The following SLFN12L variants were observed in gnomAD, a reference collection of about 807,000 sequenced individuals.
The protein encoded by SLFN12L is schlafen family member 12-like.
In SLFN12L, 34 loss-of-function variants were observed where a neutral mutation model predicts 34.8. The ratio of observed to expected loss-of-function variants is 0.98; its 90% confidence interval spans 0.74 to 1.30. The LOEUF is 1.30. Among genes scored for constraint, SLFN12L ranks in the 50% most tolerant of loss-of-function variants. SLFN12L has a pLI of 0.00. For missense variants in SLFN12L, 703 were observed against 696.2 expected (o/e 1.01, Z -0.11); for synonymous variants, 259 against 247.5 (o/e 1.05, Z -0.44).
rs1916026832 is a variant in SLFN12L, at chr17:35,522,445, A to G, written c.-81T>C. The G allele has an allele frequency of 1.2e-6, 2 of 1,613,948 alleles. No homozygotes were observed. The highest frequency in any genetic ancestry group is 1.7e-6 in the Non-Finnish European group (2 of 1,179,964). ...TCTCTGTTCTTGTGGAAGCTTCTGGAGAATATCTCATACTGCTGGGCTGTG... is the reference window on the plus strand; with the variant it reads ...TCTCTGTTCTTGTGGAAGCTTCTGGGGAATATCTCATACTGCTGGGCTGTG... On this transcript the variant is annotated 5_prime_UTR_variant, in exon 2 of 5. Coordinates refer to ENST00000628453, the MANE Select transcript of SLFN12L (RefSeq NM_001363830.2).
chr17:35,481,401 T>C (rs1914331872), intron 2 of SLFN12L, among the ~76,000 whole-genome samples: 1 of 152,256 alleles, frequency 6.6e-6, no homozygotes, highest in Non-Finnish European at 1.5e-5. Flanking sequence ...TCCACTTTCA[T>C]GTTCCACCCT....
chr17:35,518,856 C>G (rs1433827944), intron 2 of SLFN12L, among the ~76,000 whole-genome samples: 1 of 152,064 alleles, frequency 6.6e-6, no homozygotes, highest in Admixed American at 6.5e-5. Flanking sequence ...GGGTATATAC[C>G]CAAAGGATTA....
chr17:35,494,312 T>C (rs1914959865), intron 2 of SLFN12L, among the ~76,000 whole-genome samples: 1 of 152,210 alleles, frequency 6.6e-6, no homozygotes, highest in Non-Finnish European at 1.5e-5. Context: ...GCTGTGATCT[T>C]ACCACTTCAA....
At chr17:35,478,992 G>A (rs1299186247) in intron 3 of SLFN12L, 125 bp downstream of exon 3, 2 of 690,588 alleles carry the variant, frequency 2.9e-6, no homozygotes, top group Non-Finnish European at 4.8e-6. Flanking sequence ...GGAAGTATTG[G>A]TTGTATCCAC....
Position 35,522,809 on chromosome 17 carries a change from C to G in SLFN12L, c.-445G>C, listed in dbSNP as rs1311867131. On this transcript the variant is annotated 5_prime_UTR_variant, in exon 2 of 5. Transcript: ENST00000628453. ...GAGCATCACAGATGACTCCTGGCTTCTCCTGCAAATTCAGGTCCACAGCCT... is the reference window on the plus strand; with the variant it reads ...GAGCATCACAGATGACTCCTGGCTTGTCCTGCAAATTCAGGTCCACAGCCT... The G allele has an allele frequency of 6.8e-7, 1 of 1,479,766 alleles. No individual in the cohort carries two copies. The highest frequency in any genetic ancestry group is 1.4e-5 in the African/African-American group (1 of 71,986). 91.7% of individuals were successfully genotyped at this position (1,479,766 alleles called of 1,614,324 possible).
In SLFN12L at chr17:35,471,678, GTTTTAAATATTCTTTTAATAAAA is replaced by G. The variant is rs1913811520; in HGVS notation, c.*3222_*3244del. Among the ~76,000 whole-genome samples the G allele has an allele frequency of 2.3e-4, 5 of 21,960 alleles. No individual in the cohort carries two copies. The Middle Eastern group carries it at 0.17, about 732-fold the overall frequency. 14.4% of individuals were successfully genotyped at this position (21,960 alleles called of 152,430 possible). On this transcript the variant is annotated 3_prime_UTR_variant, in exon 5 of 5. Transcript: ENST00000628453. ...TCTTTTAATAAAAGATTATTTAAAA[GTTTTAAATATTCTTTTAATAAAA>G]GATTATTTAAAAGTTTTAAATAATC...
rs559421668 is a variant in SLFN12L at position 35,466,781 on chromosome 17, C to T, written c.*8142G>A. On this transcript the variant is annotated 3_prime_UTR_variant, in exon 5 of 5. Transcript: ENST00000628453. Reference sequence around the variant, plus strand: ...GAGACTTTAACAAGCTCTACTCATGCCTCCTAAAGTCTAGACCACCTGTGA... The same window carrying T: ...GAGACTTTAACAAGCTCTACTCATGTCTCCTAAAGTCTAGACCACCTGTGA... Among the ~76,000 whole-genome samples, 19 of 152,294 alleles carry T rather than the reference C, an allele frequency of 1.2e-4. No individual in the cohort carries two copies. The East Asian group carries it at 3.7e-3, about 29-fold the overall frequency.
chr17:35,508,496 G>A (rs571161020), intron 2 of SLFN12L, among the ~76,000 whole-genome samples: 22 of 152,234 alleles, frequency 1.4e-4, no homozygotes, highest in African/African-American at 4.8e-4. Context: ...ACAGACACCC[G>A]CCACCATGCT....
chr17:35,490,499 G>A, intron 2 of SLFN12L: 1 of 925,424 alleles, frequency 1.1e-6, no homozygotes, highest in Non-Finnish European at 1.8e-6. Flanking sequence ...GCTCTGAAAG[G>A]CATCCATCTC....
At chr17:35,530,519 A>AAG (rs2072398514) in intron 1 of SLFN12L, among the ~76,000 whole-genome samples, 3 of 35,776 alleles carry the variant, frequency 8.4e-5, no homozygotes, top group Non-Finnish European at 1.9e-4. Context: ...AAAGAAAAGA[A>AAG]AAGAAAAGAA....
intron 2 of SLFN12L, among the ~76,000 whole-genome samples, chr17:35,482,363 T>C (rs1567651100): frequency 6.6e-6 from 1 of 152,202 alleles, no homozygotes; most frequent in Non-Finnish European, 1.5e-5. Flanking sequence ...CAGCCTGCCA[T>C]CACAAAGGCT....
intron 2 of SLFN12L, among the ~76,000 whole-genome samples, chr17:35,482,644 T>G (rs769052930): frequency 6.6e-6 from 1 of 152,200 alleles, no homozygotes; most frequent in Non-Finnish European, 1.5e-5. Flanking sequence ...GGCTCAGAAG[T>G]GCCTGCTCCC....
In SLFN12L at chr17:35,494,238, A is replaced by C. The variant is rs143754776; in HGVS notation, c.87-14043T>G. Among the ~76,000 whole-genome samples the C allele has an allele frequency of 7.9e-4, 118 of 149,122 alleles. 2 individuals are homozygous for C. The highest frequency in any genetic ancestry group is 4.2e-4 in the South Asian group (2 of 4,714). Reference sequence around the variant, plus strand: ...ATATGTAATATAATGTAAAAAAAAAACAACAAAAAAGCTTTTATGATGGAT... The same window carrying C: ...ATATGTAATATAATGTAAAAAAAAACCAACAAAAAAGCTTTTATGATGGAT... On this transcript the variant is annotated intron_variant, in intron 2 of 4. Coordinates refer to ENST00000628453, the MANE Select transcript of SLFN12L (RefSeq NM_001363830.2).
chr17:35,525,800 C>T (rs763231938), intron 1 of SLFN12L, among the ~76,000 whole-genome samples: 2 of 152,068 alleles, frequency 1.3e-5, no homozygotes, highest in African/African-American at 2.4e-5. Flanking sequence ...AAACCATCAA[C>T]TATGGGCAAA....
chr17:35,521,234 G>A (rs1238241550), intron 2 of SLFN12L, among the ~76,000 whole-genome samples: 1 of 152,136 alleles, frequency 6.6e-6, no homozygotes, highest in Admixed American at 6.6e-5. Flanking sequence ...TGGCATCCTG[G>A]ATGGGATCCT....
At chr17:35,476,624 C>G (rs1265659316) in intron 4 of SLFN12L, among the ~76,000 whole-genome samples, 1 of 152,048 alleles carries the variant, frequency 6.6e-6, no homozygotes, top group Non-Finnish European at 1.5e-5. Flanking sequence ...AATTGTAATT[C>G]AACTCCCAGC....
chr17:35,530,441 G>GA lies in SLFN12L; in HGVS notation c.-606+7131dup, dbSNP rs1489409235. The stretch of plus-strand genomic sequence containing the variant: ...AGGAAGGAAGGAAGGGAAGGGAAGG[G>GA]AAGAAAGAAAGAAAGAAAGAAAGAA... On this transcript the variant is annotated intron_variant, in intron 1 of 4. Transcript: ENST00000628453. Among the ~76,000 whole-genome samples the GA allele has an allele frequency of 5.1e-3, 86 of 16,866 alleles. 19 individuals are homozygous for GA. Among genetic ancestry groups the GA allele is most frequent in the Non-Finnish European group, 9.8e-3 (44 of 4,468 alleles). 11.1% of individuals were successfully genotyped at this position (16,866 alleles called of 152,430 possible).
rs1378465062 is a variant in SLFN12L, at chr17:35,467,435, C to T, written c.*7488G>A. Among the ~76,000 whole-genome samples, 1 of 152,228 alleles carries T rather than the reference C, an allele frequency of 6.6e-6. No individual in the cohort carries two copies. The highest frequency in any genetic ancestry group is 6.5e-5 in the Admixed American group (1 of 15,278). On this transcript the variant is annotated 3_prime_UTR_variant, in exon 5 of 5. Coordinates refer to ENST00000628453, the MANE Select transcript of SLFN12L (RefSeq NM_001363830.2). ...ATTAAGGCCACCATATGAGGCCTTA[C>T]AATTACCAAGGTAATAACCAAGGCA...
rs1169059136 is a variant in SLFN12L, at chr17:35,468,128, C to T, written c.*6795G>A. ...GTTTTACCATGTTGCCCAGGCTGGT[C>T]TTGAATGCCTGAGCTCAAGCAATGC... On this transcript the variant is annotated 3_prime_UTR_variant, in exon 5 of 5. Transcript: ENST00000628453. 6.6e-6 allele frequency among the ~76,000 whole-genome samples: 1 copy of T among 152,164 alleles called. No homozygotes were observed. The highest frequency in any genetic ancestry group is 2.4e-5 in the African/African-American group (1 of 41,422).
Sources: allele counts gnomAD v4.1 joint callset (sites outside exome capture counted in the v4.1 genomes callset), GRCh38; gene constraint gnomAD v4.1.1; transcripts MANE v1.5; gene names NCBI Gene and HGNC (gene_info 2026-07-23, HGNC 2026-07-21).